Variants in TBC1D8B observed in about 807,000 individuals in gnomAD.
TBC1D8B encodes TBC1 domain family member 8B, also known as RP11-321G1.1.
TBC1D8B carries 75 observed loss-of-function variants against 82.9 expected under a neutral mutation model. The ratio of observed to expected loss-of-function variants is 0.90; its 90% CI spans 0.75 to 1.10. The LOEUF is 1.10. Among genes scored for constraint, TBC1D8B ranks in the 50% least tolerant of loss-of-function variants. The pLI is 0.00. For missense variants in TBC1D8B, 794 were observed against 796.9 expected, an observed-to-expected ratio of 1.00 and a Z score of 0.04; for synonymous variants, 276 against 276.8, an observed-to-expected ratio of 1.00 and a Z score of 0.03.
intron 1 of TBC1D8B, among the ~76,000 whole-genome samples, chrX:106,803,902 T>G (rs7052017): frequency 0.043 from 4,807 of 111,566 alleles, 288 homozygotes; most frequent in African/African-American, 0.15. Context: ...CTTGAAGTGG[T>G]AGACCAGGCA....
chrX:106,827,396 C>T lies in TBC1D8B; in HGVS notation c.1203+59C>T, dbSNP rs1225717488. 3.5e-6 allele frequency: 4 copies of T among 1,155,676 alleles called. No homozygotes were observed. In the South Asian group the frequency reaches 5.6e-5, roughly 16 times the overall value. On this transcript the variant is annotated intron_variant, in intron 7 of 20. Coordinates refer to ENST00000357242, the MANE Select transcript of TBC1D8B (RefSeq NM_017752.3). Reference sequence around the variant, plus strand: ...AAAAAAGGTGTGTGTTTAGTGTAGCCCATTCTTCAAGAGGAATTCATAGTA... The same window carrying T: ...AAAAAAGGTGTGTGTTTAGTGTAGCTCATTCTTCAAGAGGAATTCATAGTA...
rs746642851 is a variant in TBC1D8B at position 106,866,042 on chromosome X, AT to A, written c.2662+16del. 5.1e-6 allele frequency: 6 copies of A among 1,182,867 alleles called. No individual in the cohort carries two copies. Among genetic ancestry groups the A allele is most frequent in the Admixed American group, 2.5e-5 (1 of 40,518 alleles). On this transcript the variant is annotated intron_variant, in intron 16 of 20. Transcript: ENST00000357242. Reference sequence around the variant, plus strand: ...ATTCTCCTCTGCAATTGGTAAGATGATTTTTTTAAGCAAAAAAAAAAGGTGC... The same window carrying A: ...ATTCTCCTCTGCAATTGGTAAGATGATTTTTTAAGCAAAAAAAAAAGGTGC...
chrX:106,864,806 C>G (rs1602437720), intron 14 of TBC1D8B, among the ~76,000 whole-genome samples: 1 of 111,927 alleles, frequency 8.9e-6, no homozygotes, highest in African/African-American at 3.2e-5. Context: ...GCATGAGCCA[C>G]CATTCCTCTG....
chrX:106,824,926 A>C (rs146691468), intron 5 of TBC1D8B, among the ~76,000 whole-genome samples: 1,723 of 111,692 alleles, frequency 0.015, 34 homozygotes, highest in African/African-American at 0.053. Context: ...AAGCACAGTA[A>C]TGATAGTTAA....
intron 7 of TBC1D8B, chrX:106,828,643 A>G (rs1931929999): frequency 9.1e-6 from 1 of 109,494 alleles, no homozygotes; most frequent in Admixed American, 9.7e-5. Context: ...CAATATACAC[A>G]AATCAATAAA....
At chrX:106,860,610 G>A (rs1206386573) in intron 14 of TBC1D8B, among the ~76,000 whole-genome samples, 2 of 109,872 alleles carry the variant, frequency 1.8e-5, no homozygotes, top group Non-Finnish European at 3.8e-5. Context: ...TATTTGTATC[G>A]TCTCTTTTTT....
At chrX:106,852,826 G>A (rs947944456) in intron 12 of TBC1D8B, among the ~76,000 whole-genome samples, 2 of 111,546 alleles carry the variant, frequency 1.8e-5, no homozygotes, top group Admixed American at 1.9e-4. Context: ...TAGCCCTGTA[G>A]CCTGGTAGTA....
At chrX:106,823,799 A>G (rs984488787) in intron 5 of TBC1D8B, among the ~76,000 whole-genome samples, 10 of 112,048 alleles carry the variant, frequency 8.9e-5, no homozygotes, top group African/African-American at 3.2e-4. Context: ...TGAATAGTCT[A>G]GACAGTTTGG....
chrX:106,861,091 A>G (rs944951478), intron 14 of TBC1D8B, among the ~76,000 whole-genome samples: 1 of 111,871 alleles, frequency 8.9e-6, no homozygotes, highest in African/African-American at 3.2e-5. Flanking sequence ...CAAAGAGTAT[A>G]GTTGTTATGA....
At chrX:106,812,691 G>T (rs995531806) in intron 1 of TBC1D8B, among the ~76,000 whole-genome samples, 1 of 110,855 alleles carries the variant, frequency 9.0e-6, no homozygotes, top group African/African-American at 3.3e-5. Flanking sequence ...TGCCCTACCT[G>T]TTCATCATTA....
chrX:106,860,731 C>A, intron 14 of TBC1D8B, among the ~76,000 whole-genome samples: 1 of 110,849 alleles, frequency 9.0e-6, no homozygotes, highest in Non-Finnish European at 1.9e-5. Context: ...TCATTCAGAT[C>A]AGCTCTGATT....
At chrX:106,809,711 C>T (rs1045297251) in intron 1 of TBC1D8B, among the ~76,000 whole-genome samples, 1 of 108,968 alleles carries the variant, frequency 9.2e-6, no homozygotes, top group African/African-American at 3.4e-5. Flanking sequence ...TGGTGAAACC[C>T]CATCTCTACA....
In TBC1D8B at chrX:106,818,760, G is replaced by T; in HGVS notation, c.228G>T (p.Leu76Phe). ...AGACACCAGATTCTCAAGTTTACTT[G>T]TCAATTGCATGTGGTGAGTATGATT... is the stretch of plus-strand genomic sequence containing the variant. ...LHQTPDSQVY[L>F]SIACGANREE... Residue 76 changes from leucine (L) to phenylalanine (F), a missense_variant, in exon 2 of 21, where the codon TTG becomes TTT. Physicochemically the swap from Leu to Phe is conservative, Grantham distance 22 (BLOSUM62 0). Coordinates refer to ENST00000357242, the MANE Select transcript of TBC1D8B (RefSeq NM_017752.3). The T allele has an allele frequency of 8.4e-7, 1 of 1,196,834 alleles. No homozygotes were observed. The highest frequency in any genetic ancestry group is 1.8e-5 in the South Asian group (1 of 55,908).
At chrX:106,828,708 A>T (rs1359846449) in intron 7 of TBC1D8B, 1 of 109,567 alleles carries the variant, frequency 9.1e-6, no homozygotes, top group Admixed American at 9.6e-5. Flanking sequence ...TTATCTCAAT[A>T]GATGCAGAAA....
At chrX:106,865,447 T>A in intron 14 of TBC1D8B, 112 bp from the exon 15 acceptor site, 1 of 435,510 alleles carries the variant, frequency 2.3e-6, no homozygotes, top group Non-Finnish European at 3.7e-6. Flanking sequence ...TTTAAGAAGT[T>A]AAAACACAAA....
chrX:106,873,523 G>T (rs775840635), intron 20 of TBC1D8B, 47 bp from the exon 21 acceptor site: 5 of 1,120,260 alleles, frequency 4.5e-6, no homozygotes, highest in Non-Finnish European at 3.6e-6. Context: ...CTTTATATTT[G>T]CTAAGTCTAA....
chrX:106,838,586 A>T lies in TBC1D8B; in HGVS notation c.1204-722A>T, dbSNP rs182130618. 3.8e-3 allele frequency among the ~76,000 whole-genome samples: 425 copies of T among 111,652 alleles called. 5 individuals are homozygous for T. Among genetic ancestry groups the T allele is most frequent in the Non-Finnish European group, 5.0e-3 (266 of 53,074 alleles). On this transcript the variant is annotated intron_variant, in intron 7 of 20. Coordinates refer to ENST00000357242, the MANE Select transcript of TBC1D8B (RefSeq NM_017752.3). ...TATTCATTCTTCTAGATCCCCAAGA[A>T]TATGTTGCAGCCCTTCAAAGTTCCA...
In TBC1D8B at chrX:106,850,315, T is replaced by C; in HGVS notation, c.2123+5T>C. 3 of 1,177,079 alleles carry C rather than the reference T, an allele frequency of 2.5e-6. No individual in the cohort carries two copies. Among genetic ancestry groups the C allele is most frequent in the Non-Finnish European group, 3.4e-6 (3 of 878,947 alleles). The stretch of plus-strand genomic sequence containing the variant: ...AGCTGTGACAGCCTTAAACAGGTAT[T>C]GTAAGAACCATAACATTTAAATCTG... On this transcript the variant is annotated splice_donor_5th_base_variant and intron_variant, in intron 12 of 20. Coordinates refer to ENST00000357242, the MANE Select transcript of TBC1D8B (RefSeq NM_017752.3).
intron 10 of TBC1D8B, 110 bp from the exon 11 acceptor site, chrX:106,848,076 A>G: frequency 4.3e-6 from 2 of 464,167 alleles, no homozygotes; most frequent in Non-Finnish European, 6.9e-6. Flanking sequence ...TTATTACACT[A>G]TTATTACTCT....
Sources: allele counts gnomAD v4.1 joint callset (sites outside exome capture counted in the v4.1 genomes callset), GRCh38; gene constraint gnomAD v4.1.1; transcripts MANE v1.5; gene names NCBI Gene and HGNC (gene_info 2026-07-23, HGNC 2026-07-21).